Variants in KANK1 observed in about 807,000 individuals in gnomAD.
The protein encoded by KANK1 is KN motif and ankyrin repeat domain-containing protein 1.
KANK1 carries 109 observed loss-of-function variants against 106.2 expected under a neutral mutation model. The observed-to-expected ratio is 1.03, with a 90% confidence interval of 0.88 to 1.20. The LOEUF is 1.20. Among genes scored for constraint, KANK1 ranks in the 50% most tolerant of loss-of-function variants. The pLI is 0.00. For synonymous variants in KANK1, 873 were observed against 652.2 expected (o/e 1.34, Z -5.16); for missense variants, 2,399 against 1,710.7 (o/e 1.40, Z -7.10).
chr9:516,971 G>A (rs1300838405), intron 1 of KANK1, among the ~76,000 whole-genome samples: 1 of 141,540 alleles, frequency 7.1e-6, no homozygotes, highest in African/African-American at 2.8e-5. Context: ...GTGCATCTGA[G>A]TGTGGTTTCT....
At chr9:499,030 T>C (rs574156484) in intron 3 of KANK1, among the ~76,000 whole-genome samples, 66 of 151,882 alleles carry the variant, frequency 4.3e-4, no homozygotes, top group Non-Finnish European at 8.8e-4. Context: ...AAAAAAAAAT[T>C]AGCCAGGCGT....
chr9:606,440 C>G (rs2136005880), intron 1 of KANK1, among the ~76,000 whole-genome samples: 1 of 147,100 alleles, frequency 6.8e-6, no homozygotes, highest in East Asian at 1.9e-4. Context: ...CCTGTAATCT[C>G]AGCTACTCAG....
intron 1 of KANK1, among the ~76,000 whole-genome samples, chr9:624,663 C>T (rs140136952): frequency 6.6e-6 from 1 of 151,930 alleles, no homozygotes; most frequent in Non-Finnish European, 1.5e-5. Flanking sequence ...ATTAGTCGGG[C>T]GTAGTCATTC....
At chr9:673,200 C>CTTT (rs542647158) in intron 1 of KANK1, among the ~76,000 whole-genome samples, 1,897 of 97,556 alleles carry the variant, frequency 0.019, 307 homozygotes, top group East Asian at 0.11. Context: ...ACAGTGTCTT[C>CTTT]TTTTTTTTTT....
At chr9:666,502 C>T (rs186348717) in intron 1 of KANK1, among the ~76,000 whole-genome samples, 1 of 152,202 alleles carries the variant, frequency 6.6e-6, no homozygotes, top group East Asian at 1.9e-4. Context: ...AGTGAAAGTG[C>T]ACCCCCTTGT....
chr9:606,830 G>A (rs949639036), intron 1 of KANK1, among the ~76,000 whole-genome samples: 1 of 151,474 alleles, frequency 6.6e-6, no homozygotes, highest in Non-Finnish European at 1.5e-5. Flanking sequence ...CCTGCCATAT[G>A]CCAGGTACTG....
intron 1 of KANK1, among the ~76,000 whole-genome samples, chr9:618,145 C>G (rs913915162): frequency 1.3e-5 from 2 of 152,152 alleles, no homozygotes; most frequent in African/African-American, 4.8e-5. Flanking sequence ...CAGGTTAAAG[C>G]CCATGTAATA....
rs530649278 is a variant in KANK1, at chr9:539,928, A to G, written c.-84+35174A>G. 8.5e-4 allele frequency among the ~76,000 whole-genome samples: 130 copies of G among 152,342 alleles called. 1 individual carries two copies. In the South Asian group the frequency reaches 0.026, roughly 31 times the overall value. ...ACAACTTCACTGAGTTTATTCTAAC[A>G]ATCTTTTGGTGAAGTTCTGAAGGTT... On this transcript the variant is annotated intron_variant, in intron 1 of 11. Transcript: ENST00000382297.
rs71314711 is a variant in KANK1, at chr9:508,121, CTTT to C, written c.-84+3399_-84+3401del. 7.3e-3 allele frequency among the ~76,000 whole-genome samples: 285 copies of C among 39,234 alleles called. 11 individuals are homozygous for C. In the East Asian group the frequency reaches 0.17, roughly 24 times the overall value. The allele number at this position is 39,234 out of a possible 152,430, so 25.7% of individuals were successfully genotyped here. On this transcript the variant is annotated intron_variant, in intron 1 of 11. Coordinates refer to ENST00000382297, the MANE Select transcript of KANK1 (RefSeq NM_015158.5). ...ACAGGTGTGAGACACCCTGCTCAGC[CTTT>C]TTTTTTTTTTTTTTTTTTTTTTTTT...
chr9:610,108 C>G (rs1830221162), intron 1 of KANK1, among the ~76,000 whole-genome samples: 1 of 152,092 alleles, frequency 6.6e-6, no homozygotes, highest in Non-Finnish European at 1.5e-5. Context: ...TTCTTTGCTA[C>G]TTTAAGTATC....
intron 1 of KANK1, among the ~76,000 whole-genome samples, chr9:598,752 T>A (rs1283193248): frequency 7.0e-6 from 1 of 143,494 alleles, no homozygotes; most frequent in African/African-American, 2.6e-5. Context: ...TGCCTCAGCC[T>A]CCTGAGTAGC....
chr9:713,535 A>C, intron 3 of KANK1, 71 bp downstream of exon 3: 1 of 1,477,444 alleles, frequency 6.8e-7, no homozygotes. Context: ...GCTAAGGATT[A>C]TTTTTTAACT....
intron 1 of KANK1, among the ~76,000 whole-genome samples, chr9:532,617 T>C (rs2060116549): frequency 6.6e-6 from 1 of 152,128 alleles, no homozygotes. Flanking sequence ...TAGTTGATAC[T>C]CAGAAGCTTA....
chr9:574,105 G>C (rs1267715168), intron 1 of KANK1, among the ~76,000 whole-genome samples: 4 of 152,216 alleles, frequency 2.6e-5, no homozygotes, highest in Non-Finnish European at 4.4e-5. Flanking sequence ...AATCACTGAT[G>C]CATCACTAAC....
intron 11 of KANK1, 148 bp downstream of exon 11, chr9:744,737 GCCTCCACCCCGC>G: frequency 2.0e-6 from 3 of 1,532,252 alleles, no homozygotes; most frequent in Admixed American, 2.0e-5. Flanking sequence ...CATCCTTTCC[GCCTCCACCCCGC>G]AAAAAGCAGG....
intron 1 of KANK1, among the ~76,000 whole-genome samples, chr9:622,058 A>C (rs1057065437): frequency 1.3e-5 from 2 of 152,132 alleles, no homozygotes; most frequent in African/African-American, 2.4e-5. Flanking sequence ...TTTTTCATAC[A>C]ACAGTCTACT....
At chr9:630,961 C>G (rs200263684) in intron 1 of KANK1, among the ~76,000 whole-genome samples, 1 of 148,092 alleles carries the variant, frequency 6.8e-6, no homozygotes, top group Non-Finnish European at 1.5e-5. Context: ...TCTCAAAAAA[C>G]AAAACAAAAC....
intron 3 of KANK1, among the ~76,000 whole-genome samples, chr9:716,887 A>G (rs1564066722): frequency 6.7e-6 from 1 of 149,958 alleles, no homozygotes; most frequent in East Asian, 2.0e-4. Context: ...CTGAGGTAGG[A>G]TGATCTCTTG....
intron 1 of KANK1, among the ~76,000 whole-genome samples, chr9:566,597 C>G (rs1817870266): frequency 6.6e-6 from 1 of 152,170 alleles, no homozygotes; most frequent in Admixed American, 6.5e-5. Flanking sequence ...ATTTGCGTTT[C>G]TCTAATGATC....
Sources: gnomAD v4.1 joint callset for allele counts (sites outside exome capture counted in the v4.1 genomes callset) on GRCh38, gnomAD v4.1.1 for gene constraint, MANE v1.5 for transcripts, NCBI Gene and HGNC (gene_info 2026-07-23, HGNC 2026-07-21) for gene names.